Variants in PARN observed in about 807,000 individuals in gnomAD.
PARN encodes poly(A)-specific ribonuclease PARN.
PARN carries 71 observed loss-of-function variants against 102.8 expected under a neutral mutation model. The ratio of observed to expected loss-of-function variants is 0.69; its 90% CI spans 0.57 to 0.84. The LOEUF is 0.84. Ranked by LOEUF, PARN falls within the 40% of genes least tolerant of loss-of-function variation. The probability of loss-of-function intolerance (pLI) is 0.00; values close to 1 mark genes in which losing one functional copy is unlikely to be tolerated. For synonymous variants in PARN, 261 were observed against 252.9 expected, an observed-to-expected ratio of 1.03 and a Z score of -0.30; for missense variants, 782 against 760.9, an observed-to-expected ratio of 1.03 and a Z score of -0.33.
At chr16:14,618,530 G>A (rs1012388810) in intron 5 of PARN, among the ~76,000 whole-genome samples, 3 of 150,612 alleles carry the variant, frequency 2.0e-5, no homozygotes, top group African/African-American at 7.3e-5. Flanking sequence ...GTGTGGTGGT[G>A]TGTACCTGCA....
At chr16:14,562,987 C>T (rs1363904368) in intron 18 of PARN, among the ~76,000 whole-genome samples, 3 of 152,180 alleles carry the variant, frequency 2.0e-5, no homozygotes, top group Non-Finnish European at 4.4e-5. Flanking sequence ...GGTTGCAAAA[C>T]AATGCTGCTA....
At chr16:14,551,660 G>A (rs1051057974) in intron 21 of PARN, among the ~76,000 whole-genome samples, 2 of 94,224 alleles carry the variant, frequency 2.1e-5, no homozygotes, top group East Asian at 3.9e-4. Context: ...ATCAACAAAT[G>A]GGGGGAAAGT....
At chr16:14,472,937 T>A (rs1377093241) in intron 22 of PARN, among the ~76,000 whole-genome samples, 1 of 152,192 alleles carries the variant, frequency 6.6e-6, no homozygotes, top group Non-Finnish European at 1.5e-5. Flanking sequence ...ACACGCTGCA[T>A]CCTGATTGTC....
chr16:14,532,530 G>C (rs901214547), intron 21 of PARN, among the ~76,000 whole-genome samples: 4 of 151,686 alleles, frequency 2.6e-5, no homozygotes, highest in African/African-American at 9.7e-5. Flanking sequence ...ATTTTTCTTA[G>C]TACAGAGCAA....
chr16:14,552,201 G>C, intron 20 of PARN, 106 bp from the exon 21 acceptor site: 1 of 693,916 alleles, frequency 1.4e-6, no homozygotes, highest in East Asian at 2.7e-5. Context: ...TTTAAAGAGA[G>C]AGAAGGTGCT....
chr16:14,444,732 TG>T (rs1287304909), intron 23 of PARN, among the ~76,000 whole-genome samples: 2 of 152,208 alleles, frequency 1.3e-5, no homozygotes, highest in East Asian at 3.8e-4. Flanking sequence ...TTTTAACATT[TG>T]TTGAGCACAC....
intron 18 of PARN, among the ~76,000 whole-genome samples, chr16:14,569,105 A>G (rs557409983): frequency 1.3e-5 from 2 of 151,690 alleles, no homozygotes; most frequent in Admixed American, 1.3e-4. Flanking sequence ...CCAGCTACTC[A>G]GGAGGCTGAG....
chr16:14,556,778 A>C (rs1235645838), intron 18 of PARN, among the ~76,000 whole-genome samples: 1 of 152,176 alleles, frequency 6.6e-6, no homozygotes, highest in Non-Finnish European at 1.5e-5. Flanking sequence ...TGAGCTGAGA[A>C]TGACAACACA....
At chr16:14,605,971 C>G (rs531013180) in intron 10 of PARN, among the ~76,000 whole-genome samples, 5 of 152,264 alleles carry the variant, frequency 3.3e-5, no homozygotes, top group African/African-American at 7.2e-5. Flanking sequence ...CATAAAAAGG[C>G]TATGAGAAAG....
At position 14,560,285 on chromosome 16, in the gene PARN, T is replaced by C. The variant is rs562091026; in HGVS notation, c.1263-4576A>G. Among the ~76,000 whole-genome samples, 6 of 152,312 alleles carry C rather than the reference T, an allele frequency of 3.9e-5. No individual in the cohort carries two copies. The East Asian group carries it at 9.6e-4, about 24-fold the overall frequency. ...CCAGAAGGACTTTCATCTGCAGATA[T>C]CAAAAAGACACTCAGACTAACACTT... On this transcript the variant is annotated intron_variant, in intron 18 of 23. Transcript: ENST00000437198.
intron 5 of PARN, among the ~76,000 whole-genome samples, chr16:14,622,479 G>A (rs577736461): frequency 2.0e-5 from 3 of 152,318 alleles, no homozygotes; most frequent in South Asian, 2.1e-4. Context: ...TGGCAAGTGC[G>A]AGTTGCATAA....
At chr16:14,474,886 C>G (rs998668186) in intron 22 of PARN, among the ~76,000 whole-genome samples, 4 of 152,222 alleles carry the variant, frequency 2.6e-5, no homozygotes, top group African/African-American at 9.7e-5. Context: ...GGAATATGAT[C>G]TGGTGAATTA....
chr16:14,536,142 T>A (rs1224030956), intron 21 of PARN, among the ~76,000 whole-genome samples: 1 of 152,204 alleles, frequency 6.6e-6, no homozygotes, highest in African/African-American at 2.4e-5. Context: ...ATTGGTAACA[T>A]TTTTAGTTAC....
intron 22 of PARN, among the ~76,000 whole-genome samples, chr16:14,457,717 G>T (rs904349034): frequency 2.1e-5 from 3 of 141,832 alleles, no homozygotes; most frequent in African/African-American, 5.3e-5. Flanking sequence ...AGAACTGCTC[G>T]AACCTGGGAG....
chr16:14,557,557 C>CAAA (rs751028710), intron 18 of PARN, among the ~76,000 whole-genome samples: 7 of 36,478 alleles, frequency 1.9e-4, no homozygotes, highest in Admixed American at 2.6e-4. Flanking sequence ...AACTCTGCCT[C>CAAA]AAAAAAAAAA....
intron 22 of PARN, among the ~76,000 whole-genome samples, chr16:14,447,980 ATCT>A (rs1410280990): frequency 1.8e-4 from 26 of 146,948 alleles, no homozygotes; most frequent in Admixed American, 6.8e-5. Flanking sequence ...CTATCTATCT[ATCT>A]ATCTAATCTA....
At chr16:14,610,366 T>G (rs1003854604) in intron 7 of PARN, among the ~76,000 whole-genome samples, 1 of 149,616 alleles carries the variant, frequency 6.7e-6, no homozygotes, top group Non-Finnish European at 1.5e-5. Context: ...CCAGCTACTC[T>G]GGAGGCTGAG....
chr16:14,462,976 T>C (rs1044178334), intron 22 of PARN, among the ~76,000 whole-genome samples: 2 of 152,106 alleles, frequency 1.3e-5, no homozygotes, highest in Non-Finnish European at 2.9e-5. Context: ...ACCCTGGGTA[T>C]CTGCACAGGA....
chr16:14,583,019 G>GT (rs1431264147), intron 16 of PARN, among the ~76,000 whole-genome samples: 1 of 152,142 alleles, frequency 6.6e-6, no homozygotes, highest in Non-Finnish European at 1.5e-5. Flanking sequence ...CCCAAGCTTA[G>GT]AGATCGAAAG....
Sources: gnomAD v4.1 joint callset for allele counts (sites outside exome capture counted in the v4.1 genomes callset) on GRCh38, gnomAD v4.1.1 for gene constraint, MANE v1.5 for transcripts, NCBI Gene and HGNC (gene_info 2026-07-23, HGNC 2026-07-21) for gene names.